CAMKMT: variants seen among roughly 807,000 people sequenced by gnomAD.
CAMKMT encodes CaM KMT.
Under a neutral mutation model 48.0 loss-of-function variants are expected in CAMKMT, and 53 were observed. That is an observed-to-expected ratio of 1.10 (90% CI 0.89 to 1.39). The LOEUF is 1.39. CAMKMT is among the 40% of genes most tolerant of loss of function. CAMKMT has a pLI of 0.00. For synonymous variants in CAMKMT, 165 were observed against 152.3 expected, an observed-to-expected ratio of 1.08 and a Z score of -0.61; for missense variants, 428 against 402.7, an observed-to-expected ratio of 1.06 and a Z score of -0.54.
In CAMKMT at chr2:44,530,807, A is replaced by C. The variant is rs546746358; in HGVS notation, c.376+140502A>C. ...CGTTCTGATTTTTAAAAATATTGTG[A>C]AATTTTAATTTTAGAAGGTATTAAA... is the stretch of plus-strand genomic sequence containing the variant. On this transcript the variant is annotated intron_variant, in intron 3 of 10. Coordinates refer to ENST00000378494, the MANE Select transcript of CAMKMT (RefSeq NM_024766.5). 1.2e-4 allele frequency among the ~76,000 whole-genome samples: 18 copies of C among 152,162 alleles called. No individual in the cohort carries two copies. In the East Asian group the frequency reaches 3.5e-3, roughly 29 times the overall value.
chr2:44,603,925 G>A (rs985942356), intron 3 of CAMKMT, among the ~76,000 whole-genome samples: 8 of 152,180 alleles, frequency 5.3e-5, no homozygotes, highest in African/African-American at 1.9e-4. Context: ...ATCTAGTTGT[G>A]TAGATAACAC....
At chr2:44,728,889 T>G (rs1321908261) in intron 7 of CAMKMT, among the ~76,000 whole-genome samples, 1 of 150,472 alleles carries the variant, frequency 6.6e-6, no homozygotes, top group African/African-American at 2.4e-5. Context: ...TTCATTGATC[T>G]TTTGTATGGA....
chr2:44,761,046 C>T (rs568826689), intron 9 of CAMKMT, among the ~76,000 whole-genome samples: 1 of 152,280 alleles, frequency 6.6e-6, no homozygotes, highest in East Asian at 1.9e-4. Context: ...GGGACGATCA[C>T]CTGGTGGTGT....
chr2:44,408,141 T>A (rs1390715264), intron 3 of CAMKMT, among the ~76,000 whole-genome samples: 1 of 150,814 alleles, frequency 6.6e-6, no homozygotes, highest in African/African-American at 2.4e-5. Context: ...TTTTCCTGCC[T>A]CAGCCTCCCG....
chr2:44,374,643 C>G (rs1426986503), intron 2 of CAMKMT, among the ~76,000 whole-genome samples: 1 of 152,164 alleles, frequency 6.6e-6, no homozygotes, highest in Non-Finnish European at 1.5e-5. Context: ...AGAGATGATC[C>G]TCATGTAGTA....
chr2:44,696,086 G>C (rs1247123285), intron 3 of CAMKMT, among the ~76,000 whole-genome samples: 1 of 151,992 alleles, frequency 6.6e-6, no homozygotes, highest in Non-Finnish European at 1.5e-5. Context: ...GGAATTATAG[G>C]CGTACACCAC....
chr2:44,460,149 C>T (rs1572560978), intron 3 of CAMKMT, among the ~76,000 whole-genome samples: 2 of 152,236 alleles, frequency 1.3e-5, no homozygotes, highest in South Asian at 4.1e-4. Flanking sequence ...ATAGATTCTG[C>T]TTTAATTTGC....
intron 2 of CAMKMT, among the ~76,000 whole-genome samples, chr2:44,376,922 T>G (rs1679755471): frequency 6.6e-6 from 1 of 152,178 alleles, no homozygotes; most frequent in African/African-American, 2.4e-5. Context: ...TGTTTCAAAT[T>G]ACGTGTTGAG....
At chr2:44,471,868 A>G (rs1269428294) in intron 3 of CAMKMT, among the ~76,000 whole-genome samples, 1 of 151,982 alleles carries the variant, frequency 6.6e-6, no homozygotes, top group Non-Finnish European at 1.5e-5. Context: ...TTTAGTAGAA[A>G]TGGGGTTTCT....
chr2:44,581,379 C>T (rs931550221), intron 3 of CAMKMT, among the ~76,000 whole-genome samples: 1 of 152,140 alleles, frequency 6.6e-6, no homozygotes, highest in Non-Finnish European at 1.5e-5. Context: ...TGTCAATGAG[C>T]AGTAGAGCTT....
intron 3 of CAMKMT, chr2:44,631,359 G>T (rs1672812769): frequency 2.8e-6 from 1 of 360,766 alleles, no homozygotes; most frequent in African/African-American, 2.2e-5. Context: ...TAACTAACCT[G>T]CACGTTGTGC....
intron 3 of CAMKMT, among the ~76,000 whole-genome samples, chr2:44,498,877 C>A (rs576301539): frequency 5.9e-5 from 9 of 152,122 alleles, no homozygotes; most frequent in Non-Finnish European, 1.3e-4. Flanking sequence ...ACCAAATTAT[C>A]CTGAGCACTT....
chr2:44,736,538 G>C (rs1415355169), intron 7 of CAMKMT, among the ~76,000 whole-genome samples: 2 of 152,026 alleles, frequency 1.3e-5, no homozygotes, highest in African/African-American at 4.8e-5. Flanking sequence ...GAAATTTCTT[G>C]CTGAGTTAAC....
At chr2:44,615,458 T>G (rs1157103582) in intron 3 of CAMKMT, among the ~76,000 whole-genome samples, 5 of 152,052 alleles carry the variant, frequency 3.3e-5, no homozygotes, top group Non-Finnish European at 7.4e-5. Context: ...GGAAAAAAAT[T>G]ACTAGAACTT....
intron 3 of CAMKMT, among the ~76,000 whole-genome samples, chr2:44,564,847 A>G (rs148310298): frequency 0.011 from 1,616 of 152,294 alleles, 9 homozygotes; most frequent in Non-Finnish European, 0.015. Context: ...GCCCAAGCTG[A>G]TAACACTTTA....
At chr2:44,454,709 T>G (rs959469547) in intron 3 of CAMKMT, among the ~76,000 whole-genome samples, 1 of 152,160 alleles carries the variant, frequency 6.6e-6, no homozygotes, top group African/African-American at 2.4e-5. Flanking sequence ...GCCCCAAACC[T>G]AATATAGCAA....
chr2:44,615,591 A>G (rs1161455553), intron 3 of CAMKMT, among the ~76,000 whole-genome samples: 2 of 152,136 alleles, frequency 1.3e-5, no homozygotes, highest in Non-Finnish European at 2.9e-5. Context: ...TTTTGGAGGC[A>G]TTTAGGTGAG....
chr2:44,581,886 C>T lies in CAMKMT; in HGVS notation c.377-122397C>T, dbSNP rs148900859. ...TGGTGCCGCGCGCCTGTAGTCCCAG[C>T]TATTTGGGAGGCTGAGGCAGATGAA... On this transcript the variant is annotated intron_variant, in intron 3 of 10. Coordinates refer to ENST00000378494, the MANE Select transcript of CAMKMT (RefSeq NM_024766.5). 6.5e-4 allele frequency among the ~76,000 whole-genome samples: 99 copies of T among 152,300 alleles called. No homozygotes were observed. In the East Asian group the frequency reaches 0.016, roughly 25 times the overall value.
chr2:44,559,145 T>G (rs1334118427), intron 3 of CAMKMT, among the ~76,000 whole-genome samples: 1 of 152,126 alleles, frequency 6.6e-6, no homozygotes, highest in Non-Finnish European at 1.5e-5. Flanking sequence ...CTTGAACACT[T>G]TTGGATTAGG....
Sources: allele counts gnomAD v4.1 joint callset (sites outside exome capture counted in the v4.1 genomes callset), GRCh38; gene constraint gnomAD v4.1.1; transcripts MANE v1.5; gene names NCBI Gene and HGNC (gene_info 2026-07-23, HGNC 2026-07-21).